PLEKHA2: variants seen among roughly 807,000 people sequenced by gnomAD.
PLEKHA2 encodes the protein pleckstrin homology domain-containing family A member 2.
A neutral mutation model predicts 53.2 loss-of-function variants in PLEKHA2; 28 were observed. That is an observed-to-expected ratio of 0.53 (90% CI 0.39 to 0.72). PLEKHA2 has a LOEUF of 0.72. Among genes scored for constraint, PLEKHA2 ranks in the 30% least tolerant of loss-of-function variants. The probability of loss-of-function intolerance (pLI) is 0.00; values close to 1 mark genes in which losing one functional copy is unlikely to be tolerated. For missense variants in PLEKHA2, 426 were observed against 537.9 expected (o/e 0.79, Z 2.06); for synonymous variants, 193 against 196.4 (o/e 0.98, Z 0.14).
intron 10 of PLEKHA2, 69 bp downstream of exon 10, chr8:38,957,455 CT>C: frequency 7.7e-7 from 1 of 1,290,772 alleles, no homozygotes; most frequent in Non-Finnish European, 1.1e-6. Context: ...AGGCCGTGTC[CT>C]TTCCTTTGCT....
chr8:38,912,657 G>A (rs185997181), intron 1 of PLEKHA2, among the ~76,000 whole-genome samples: 43 of 152,316 alleles, frequency 2.8e-4, no homozygotes, highest in African/African-American at 9.9e-4. Context: ...CAGCTCTGTG[G>A]ACCCAATCTT....
chr8:38,968,134 G>T lies in PLEKHA2; in HGVS notation c.838-458G>T, dbSNP rs1835174805. Among the ~76,000 whole-genome samples the T allele has an allele frequency of 2.0e-5, 3 of 152,180 alleles. 1 individual carries two copies. The South Asian group carries it at 6.2e-4, about 31-fold the overall frequency. On this transcript the variant is annotated intron_variant, in intron 10 of 11. Transcript: ENST00000617275. ...ATTTGGCTTTAATAGGGCTGGAATT[G>T]AAAGTGGGATTATTCTGTTCAGATA...
At chr8:38,906,528 GC>G (rs1326531624) in intron 1 of PLEKHA2, among the ~76,000 whole-genome samples, 2 of 151,892 alleles carry the variant, frequency 1.3e-5, no homozygotes, top group African/African-American at 2.4e-5. Flanking sequence ...TGTCTGATCC[GC>G]CCCCCGCCAT....
chr8:38,921,401 G>A lies in PLEKHA2; in HGVS notation c.141+3331G>A, dbSNP rs1206781456. ...CTGGCTGTTGCCAGCTGCCTCCCTGGAGAGTTGGATCTTTCTTCACACCCT... is the reference window on the plus strand; with the variant it reads ...CTGGCTGTTGCCAGCTGCCTCCCTGAAGAGTTGGATCTTTCTTCACACCCT... On this transcript the variant is annotated intron_variant, in intron 2 of 11. Coordinates refer to ENST00000617275, the MANE Select transcript of PLEKHA2 (RefSeq NM_021623.2). Among the ~76,000 whole-genome samples the A allele has an allele frequency of 2.0e-5, 3 of 152,366 alleles. No individual in the cohort carries two copies. The East Asian group carries it at 5.8e-4, about 29-fold the overall frequency.
chr8:38,943,602 G>C (rs1211909466), intron 3 of PLEKHA2, among the ~76,000 whole-genome samples, 187 bp from the exon 4 acceptor site: 1 of 152,172 alleles, frequency 6.6e-6, no homozygotes, highest in African/African-American at 2.4e-5. Context: ...GGGCTTCTAA[G>C]AAATAGGACT....
chr8:38,951,029 G>A (rs1213320130), intron 6 of PLEKHA2, 39 bp downstream of exon 6: 2 of 1,583,138 alleles, frequency 1.3e-6, no homozygotes, highest in East Asian at 2.3e-5. Flanking sequence ...GAGTGGGGGT[G>A]TGGAAGTGTC....
intron 5 of PLEKHA2, among the ~76,000 whole-genome samples, chr8:38,946,832 C>G (rs1382604536): frequency 6.6e-6 from 1 of 152,166 alleles, no homozygotes. Context: ...AGAGGGGAAA[C>G]TATGTTTTGG....
intron 3 of PLEKHA2, among the ~76,000 whole-genome samples, chr8:38,942,330 G>C (rs1834627202): frequency 6.6e-6 from 1 of 152,288 alleles, no homozygotes; most frequent in Middle Eastern, 3.4e-3. Context: ...TTCAGTCTGA[G>C]AAGTCGAGGC....
In PLEKHA2 at chr8:38,905,802, A is replaced by G. The variant is rs187466362; in HGVS notation, c.-24+4357A>G. 3.9e-3 allele frequency among the ~76,000 whole-genome samples: 580 copies of G among 148,158 alleles called. 2 individuals carry two copies. Among genetic ancestry groups the G allele is most frequent in the Non-Finnish European group, 6.1e-3 (414 of 67,558 alleles). On this transcript the variant is annotated intron_variant, in intron 1 of 11. Coordinates refer to ENST00000617275, the MANE Select transcript of PLEKHA2 (RefSeq NM_021623.2). The stretch of plus-strand genomic sequence containing the variant: ...CAGGTTCAAGCAATTTTCCTGCTTC[A>G]GCCTCCCAAGTAGCTGGGTCTACAG...
intron 3 of PLEKHA2, among the ~76,000 whole-genome samples, chr8:38,941,573 G>C (rs1834613833): frequency 6.6e-6 from 1 of 152,126 alleles, no homozygotes; most frequent in South Asian, 2.1e-4. Context: ...ATACAGTTTT[G>C]CAGGCCCAGA....
At chr8:38,960,420 A>G (rs1269954455) in intron 10 of PLEKHA2, among the ~76,000 whole-genome samples, 1 of 152,194 alleles carries the variant, frequency 6.6e-6, no homozygotes, top group Non-Finnish European at 1.5e-5. Context: ...TTGAAGTTGC[A>G]GTTAGCTATG....
chr8:38,913,375 A>AG (rs1444503435), intron 1 of PLEKHA2, among the ~76,000 whole-genome samples: 2 of 150,958 alleles, frequency 1.3e-5, no homozygotes, highest in Non-Finnish European at 3.0e-5. Context: ...AAAAGGAAAA[A>AG]AAAAAAAAAA....
At chr8:38,950,683 G>A in intron 5 of PLEKHA2, 167 bp from the exon 6 acceptor site, 2 of 728,546 alleles carry the variant, frequency 2.7e-6, no homozygotes, top group Non-Finnish European at 4.3e-6. Flanking sequence ...GTTGCTGGTT[G>A]AGATGCTCAT....
At chr8:38,907,833 T>C (rs1833901226) in intron 1 of PLEKHA2, among the ~76,000 whole-genome samples, 1 of 151,450 alleles carries the variant, frequency 6.6e-6, no homozygotes, top group Admixed American at 6.6e-5. Context: ...TATGTATGTA[T>C]GTATGTATGT....
Position 38,952,621 on chromosome 8 carries a change from A to AT in PLEKHA2, c.634-8dup, listed in dbSNP as rs779771412. ...ACCTCTCGCTAATGGTCTGCCTTTT[A>AT]TTTTTTTATTACAGCGGAAGAGCTG... On this transcript the variant is annotated splice_polypyrimidine_tract_variant and intron_variant, in intron 7 of 11. Transcript: ENST00000617275. 2 of 1,604,172 alleles carry AT rather than the reference A, an allele frequency of 1.2e-6. No homozygotes were observed. Among genetic ancestry groups the AT allele is most frequent in the East Asian group, 2.2e-5 (1 of 44,856 alleles).
At chr8:38,907,410 A>T (rs1255146449) in intron 1 of PLEKHA2, among the ~76,000 whole-genome samples, 3 of 152,158 alleles carry the variant, frequency 2.0e-5, no homozygotes, top group Non-Finnish European at 4.4e-5. Context: ...TATGTTAGCC[A>T]TCTTCAAAAT....
At position 38,950,991 on chromosome 8, in the gene PLEKHA2, G is replaced by T; in HGVS notation, c.486+1G>T. On this transcript the variant is annotated splice_donor_variant, in intron 6 of 11. Coordinates refer to ENST00000617275, the MANE Select transcript of PLEKHA2 (RefSeq NM_021623.2). LOFTEE classifies it high-confidence loss of function. ...GGTGGTCCACACACCCATCAGCCAG[G>T]TGAGGGGCCTGACTGGGGCTGCGGG... The T allele has an allele frequency of 6.2e-7, 1 of 1,613,296 alleles. No homozygotes were observed. Among genetic ancestry groups the T allele is most frequent in the Non-Finnish European group, 8.5e-7 (1 of 1,179,562 alleles).
intron 10 of PLEKHA2, 99 bp from the exon 11 acceptor site, chr8:38,968,492 CT>C (rs1277145490): frequency 1.1e-4 from 125 of 1,139,876 alleles, no homozygotes; most frequent in Non-Finnish European, 1.5e-4. Context: ...CTTTCTACCC[CT>C]AATGGTGTAA....
chr8:38,939,365 A>C (rs757538554), intron 3 of PLEKHA2, among the ~76,000 whole-genome samples: 1 of 149,100 alleles, frequency 6.7e-6, no homozygotes, highest in Admixed American at 6.6e-5. Flanking sequence ...CAGTGAGCCA[A>C]TCAGGGCAGA....
Sources: gnomAD v4.1 joint callset for allele counts (sites outside exome capture counted in the v4.1 genomes callset) on GRCh38, gnomAD v4.1.1 for gene constraint, MANE v1.5 for transcripts, NCBI Gene and HGNC (gene_info 2026-07-23, HGNC 2026-07-21) for gene names.